Variants in DMD observed in about 807,000 individuals in gnomAD.
DMD encodes dystrophin.
A neutral mutation model predicts 330.1 loss-of-function variants in DMD; 63 were observed. The ratio of observed to expected loss-of-function variants is 0.19; its 90% CI spans 0.16 to 0.24. The LOEUF is 0.24. Ranked by LOEUF, DMD falls within the 10% of genes least tolerant of loss-of-function variation. The pLI is 1.00. For synonymous variants in DMD, 1,223 were observed against 959.8 expected (o/e 1.27, Z -5.07); for missense variants, 3,344 against 2,684.1 (o/e 1.25, Z -5.43).
intron 29 of DMD, among the ~76,000 whole-genome samples, chrX:32,425,024 A>G (rs2098205931): frequency 1.8e-5 from 2 of 111,685 alleles, no homozygotes; most frequent in Admixed American, 1.9e-4. Context: ...AAATAAAATT[A>G]TTTTGCAGAA....
At chrX:31,866,305 T>C (rs1399374621) in intron 48 of DMD, among the ~76,000 whole-genome samples, 2 of 111,463 alleles carry the variant, frequency 1.8e-5, no homozygotes, top group African/African-American at 6.5e-5. Flanking sequence ...TACTGGGGGC[T>C]CTGGAAAACT....
rs188812254 is a variant in DMD at position 31,422,248 on chromosome X, G to A, written c.9084+22233C>T. ...TGGTCTCGAACTCCTGGCCTCAGGT[G>A]ATCTGCCTGCCTTGGCCTCTCAAAG... On this transcript the variant is annotated intron_variant, in intron 60 of 78. Transcript: ENST00000357033. Among the ~76,000 whole-genome samples the A allele has an allele frequency of 8.3e-3, 903 of 109,037 alleles. 4 individuals are homozygous for A. The highest frequency in any genetic ancestry group is 0.014 in the Non-Finnish European group (739 of 52,623). The allele number at this position is 109,037 out of a possible 115,157, so 94.7% of individuals were successfully genotyped here. A position where few individuals can be genotyped will look rare whatever the true frequency, so the allele number is the denominator to read the frequency against.
At chrX:32,134,509 T>C (rs1371850440) in intron 44 of DMD, among the ~76,000 whole-genome samples, 1 of 110,810 alleles carries the variant, frequency 9.0e-6, no homozygotes. Context: ...TTTTTTCTAC[T>C]GCAGGCAAGG....
intron 69 of DMD, among the ~76,000 whole-genome samples, chrX:31,179,077 T>A (rs909062295): frequency 5.3e-5 from 6 of 112,195 alleles, no homozygotes; most frequent in African/African-American, 1.6e-4. Context: ...AAAAGAAACA[T>A]ACAAGCTTAC....
rs759182114 is a variant in DMD, at chrX:33,226,966, C to CT, written c.7+112292dup. Among the ~76,000 whole-genome samples, 4 of 108,418 alleles carry CT rather than the reference C, an allele frequency of 3.7e-5. No individual in the cohort carries two copies. In the East Asian group the frequency reaches 8.6e-4, roughly 23 times the overall value. 94.1% of individuals were successfully genotyped at this position (108,418 alleles called of 115,157 possible). A position where few individuals can be genotyped will look rare whatever the true frequency, so the allele number is the denominator to read the frequency against. The stretch of plus-strand genomic sequence containing the variant: ...GTCATGTTTAACACTGTTGCACTTG[C>CT]TTTTTTTTGTTAAAAGGATACTGCA... On this transcript the variant is annotated intron_variant, in intron 1 of 17. Transcript: ENST00000288447.
At chrX:32,599,504 T>C (rs919026734) in intron 12 of DMD, among the ~76,000 whole-genome samples, 1 of 112,090 alleles carries the variant, frequency 8.9e-6, no homozygotes, top group African/African-American at 3.2e-5. Context: ...TGACTTCTTA[T>C]GGATTTCAAT....
intron 55 of DMD, among the ~76,000 whole-genome samples, chrX:31,511,578 C>T (rs1164076172): frequency 2.0e-5 from 2 of 101,502 alleles, no homozygotes; most frequent in Non-Finnish European, 3.9e-5. Context: ...TGAGAATATG[C>T]GGTGTTTGGT....
intron 1 of DMD, among the ~76,000 whole-genome samples, chrX:33,291,554 T>C (rs2053511454): frequency 8.9e-6 from 1 of 111,835 alleles, no homozygotes; most frequent in Non-Finnish European, 1.9e-5. Context: ...TTAAAAAGTC[T>C]TTTTATTATA....
intron 11 of DMD, among the ~76,000 whole-genome samples, chrX:32,624,630 G>T (rs1368859221): frequency 5.4e-5 from 6 of 111,557 alleles, no homozygotes; most frequent in African/African-American, 2.0e-4. Flanking sequence ...CTGAGATTCT[G>T]CATTTCTAAC....
chrX:32,722,738 G>A, intron 7 of DMD, among the ~76,000 whole-genome samples: 1 of 109,298 alleles, frequency 9.1e-6, no homozygotes, highest in East Asian at 2.9e-4. Context: ...AAATTTTTTG[G>A]ATATCTTTTG....
intron 7 of DMD, among the ~76,000 whole-genome samples, chrX:32,776,561 CG>C (rs1219338777): frequency 9.0e-6 from 1 of 110,526 alleles, no homozygotes; most frequent in Non-Finnish European, 1.9e-5. Flanking sequence ...GCAGTGGGGT[CG>C]GGGGGAAGGC....
chrX:32,772,498 G>A (rs1293327016), intron 7 of DMD, among the ~76,000 whole-genome samples: 1 of 112,170 alleles, frequency 8.9e-6, no homozygotes, highest in Non-Finnish European at 1.9e-5. Flanking sequence ...TAACCACATT[G>A]CACAAATGAG....
chrX:32,751,498 T>A (rs757725938), intron 7 of DMD, among the ~76,000 whole-genome samples: 6 of 111,520 alleles, frequency 5.4e-5, no homozygotes, highest in Non-Finnish European at 9.4e-5. Flanking sequence ...AAAGCATTCG[T>A]GAGGTGACTT....
intron 44 of DMD, among the ~76,000 whole-genome samples, chrX:32,093,501 T>C (rs1011005293): frequency 4.5e-5 from 5 of 112,275 alleles, no homozygotes; most frequent in Middle Eastern, 4.6e-3. Context: ...GGAAGATTAT[T>C]AAAATATGTT....
At chrX:32,816,032 C>T (rs749651847) in intron 6 of DMD, among the ~76,000 whole-genome samples, 4 of 110,827 alleles carry the variant, frequency 3.6e-5, no homozygotes, top group African/African-American at 6.6e-5. Flanking sequence ...CTCCACACTA[C>T]GTATCTGATG....
At chrX:32,379,821 C>T (rs2097917792) in intron 34 of DMD, among the ~76,000 whole-genome samples, 1 of 110,487 alleles carries the variant, frequency 9.1e-6, no homozygotes, top group African/African-American at 3.3e-5. Context: ...GTGTAAATGG[C>T]CTAACACAGT....
chrX:33,148,031 C>G, intron 1 of DMD, among the ~76,000 whole-genome samples: 1 of 111,534 alleles, frequency 9.0e-6, no homozygotes, highest in South Asian at 3.7e-4. Flanking sequence ...CTGCATCTGC[C>G]AGAGAATGCA....
intron 27 of DMD, among the ~76,000 whole-genome samples, chrX:32,447,337 T>A (rs1295249095): frequency 9.1e-6 from 1 of 110,433 alleles, no homozygotes. Context: ...ACTGTAATAT[T>A]TCCTGACATA....
At chrX:32,637,574 A>T (rs932113310) in intron 11 of DMD, among the ~76,000 whole-genome samples, 1 of 111,746 alleles carries the variant, frequency 8.9e-6, no homozygotes, top group Non-Finnish European at 1.9e-5. Context: ...CACGCTGCTA[A>T]TTAAAGACAT....
Sources: allele counts gnomAD v4.1 joint callset (sites outside exome capture counted in the v4.1 genomes callset), GRCh38; gene constraint gnomAD v4.1.1; transcripts MANE v1.5; gene names NCBI Gene and HGNC (gene_info 2026-07-23, HGNC 2026-07-21).